SUMF1: variants seen among roughly 807,000 people sequenced by gnomAD.
The protein encoded by SUMF1 is formylglycine-generating enzyme.
A neutral mutation model predicts 47.6 loss-of-function variants in SUMF1; 48 were observed. The observed-to-expected ratio is 1.01, with a 90% CI of 0.80 to 1.28. SUMF1 has a LOEUF of 1.28. Ranked by LOEUF, SUMF1 falls within the 50% of genes most tolerant of loss-of-function variation. The probability of loss-of-function intolerance (pLI) is 0.00; values close to 1 mark genes in which losing one functional copy is unlikely to be tolerated. For missense variants in SUMF1, 571 were observed against 485.4 expected, an observed-to-expected ratio of 1.18 and a Z score of -1.66; for synonymous variants, 230 against 192.1, an observed-to-expected ratio of 1.20 and a Z score of -1.63.
At chr3:4,419,281 T>A (rs773484004) in intron 4 of SUMF1, among the ~76,000 whole-genome samples, 2 of 152,156 alleles carry the variant, frequency 1.3e-5, no homozygotes, top group East Asian at 1.9e-4. Flanking sequence ...CGGCTTCCAA[T>A]TGAGGCTTTG....
At chr3:4,414,347 AC>A (rs1199077366) in intron 6 of SUMF1, among the ~76,000 whole-genome samples, 1 of 152,126 alleles carries the variant, frequency 6.6e-6, no homozygotes, top group African/African-American at 2.4e-5. Context: ...ATAAAATGAG[AC>A]CTGAAATAAT....
At chr3:4,149,644 C>G (rs1215245413) in intron 8 of SUMF1, among the ~76,000 whole-genome samples, 1 of 152,200 alleles carries the variant, frequency 6.6e-6, no homozygotes. Flanking sequence ...AATCCCCAAA[C>G]AGGAAGCAAC....
In SUMF1 at chr3:4,361,889, A is replaced by G; in HGVS notation, c.*255T>C. On this transcript the variant is annotated 3_prime_UTR_variant, in exon 9 of 9. Transcript: ENST00000272902. ...TGAAGCCTAGCTCAGGGTTCCCTCC[A>G]CTCCCCTTCCTCTTTAAAGACTCTC... 6.4e-6 allele frequency: 3 copies of G among 469,014 alleles called. No homozygotes were observed. The highest frequency in any genetic ancestry group is 2.1e-5 in the South Asian group (1 of 47,624). 29.1% of individuals were successfully genotyped at this position (469,014 alleles called of 1,614,324 possible).
chr3:4,097,892 G>A (rs1692942102), intron 8 of SUMF1, among the ~76,000 whole-genome samples: 1 of 152,114 alleles, frequency 6.6e-6, no homozygotes. Flanking sequence ...AGTTGGTGTG[G>A]CATTCACAAA....
intron 8 of SUMF1, among the ~76,000 whole-genome samples, chr3:4,246,013 A>T (rs1390782282): frequency 1.3e-5 from 2 of 152,178 alleles, no homozygotes; most frequent in Non-Finnish European, 2.9e-5. Context: ...GGTCAATCTC[A>T]GACTGCTGCA....
intron 8 of SUMF1, among the ~76,000 whole-genome samples, chr3:4,255,650 C>T (rs1473755616): frequency 5.1e-4 from 67 of 131,602 alleles, no homozygotes; most frequent in African/African-American, 1.9e-3. Flanking sequence ...ACTTAGACTA[C>T]CACACATTAA....
intron 8 of SUMF1, among the ~76,000 whole-genome samples, chr3:4,309,260 G>A (rs777784790): frequency 6.6e-6 from 1 of 152,138 alleles, no homozygotes; most frequent in Non-Finnish European, 1.5e-5. Context: ...AATTCCAAAA[G>A]GGAAGAGGGT....
chr3:4,333,384 G>C (rs1005444285), intron 8 of SUMF1, among the ~76,000 whole-genome samples: 6 of 152,198 alleles, frequency 3.9e-5, no homozygotes, highest in African/African-American at 1.4e-4. Flanking sequence ...CACATCCTCA[G>C]GGGGGTGTCA....
intron 8 of SUMF1, among the ~76,000 whole-genome samples, chr3:4,249,018 A>G (rs1255057373): frequency 1.3e-5 from 2 of 152,106 alleles, no homozygotes; most frequent in African/African-American, 2.4e-5. Flanking sequence ...CTTCTCCTTC[A>G]CTTCTCACTG....
intron 3 of SUMF1, among the ~76,000 whole-genome samples, chr3:4,448,630 G>T (rs190907889): frequency 6.6e-6 from 1 of 152,228 alleles, no homozygotes; most frequent in East Asian, 1.9e-4. Flanking sequence ...AAAATGTCTG[G>T]AACAAGAATC....
At chr3:4,419,348 C>T (rs1299297603) in intron 4 of SUMF1, among the ~76,000 whole-genome samples, 2 of 152,080 alleles carry the variant, frequency 1.3e-5, no homozygotes, top group East Asian at 1.9e-4. Context: ...TTCCTATACT[C>T]GCAGCTCCCC....
intron 8 of SUMF1, among the ~76,000 whole-genome samples, chr3:4,280,952 G>C (rs1697517532): frequency 6.6e-6 from 1 of 151,494 alleles, no homozygotes; most frequent in African/African-American, 2.4e-5. Context: ...ATCTTAACCT[G>C]ATCACCTGCA....
At chr3:4,165,562 T>G (rs1694680583) in intron 8 of SUMF1, among the ~76,000 whole-genome samples, 1 of 152,104 alleles carries the variant, frequency 6.6e-6, no homozygotes, top group Non-Finnish European at 1.5e-5. Flanking sequence ...GGATTATCTT[T>G]CAATGAAAAG....
chr3:4,444,000 G>A (rs1702695519), intron 3 of SUMF1, among the ~76,000 whole-genome samples: 1 of 152,000 alleles, frequency 6.6e-6, no homozygotes, highest in Admixed American at 6.6e-5. Context: ...CTGACCCAAT[G>A]ACAAACACCA....
intron 8 of SUMF1, among the ~76,000 whole-genome samples, chr3:4,184,450 G>C (rs1163368885): frequency 6.6e-6 from 1 of 151,232 alleles, no homozygotes; most frequent in Non-Finnish European, 1.5e-5. Flanking sequence ...AGTGAAACTG[G>C]GTCTCAAAAA....
At chr3:4,036,202 A>G (rs182499734) in intron 9 of SUMF1, among the ~76,000 whole-genome samples, 25 of 152,334 alleles carry the variant, frequency 1.6e-4, no homozygotes, top group Admixed American at 1.6e-3. Flanking sequence ...CTACTCAGTG[A>G]TTATGAGGAT....
chr3:4,199,617 A>T (rs1370008087), intron 8 of SUMF1, among the ~76,000 whole-genome samples: 1 of 152,170 alleles, frequency 6.6e-6, no homozygotes, highest in African/African-American at 2.4e-5. Context: ...CAGTTTCTTC[A>T]TAAATCTAAA....
chr3:4,043,632 C>T (rs914179165), intron 9 of SUMF1, among the ~76,000 whole-genome samples: 1 of 152,080 alleles, frequency 6.6e-6, no homozygotes, highest in African/African-American at 2.4e-5. Context: ...CTCCCAAGCT[C>T]CTATTTCCCC....
At chr3:4,360,304 C>T (rs79063846), downstream of SUMF1, among the ~76,000 whole-genome samples, 3,402 of 138,538 alleles carry the variant, frequency 0.025, 59 homozygotes, top group Middle Eastern at 0.047. Flanking sequence ...TGTGGCTAAA[C>T]GTGCCAGCTA....
Sources: allele counts gnomAD v4.1 joint callset (sites outside exome capture counted in the v4.1 genomes callset), GRCh38; gene constraint gnomAD v4.1.1; transcripts MANE v1.5; gene names NCBI Gene and HGNC (gene_info 2026-07-23, HGNC 2026-07-21).